The following GRIP1 variants were observed in gnomAD, a reference collection of about 807,000 sequenced individuals.
GRIP1 encodes the protein glutamate receptor interacting protein 1.
In GRIP1, 45 loss-of-function variants were observed where a neutral mutation model predicts 129.9. The ratio of observed to expected loss-of-function variants is 0.35; its 90% confidence interval spans 0.27 to 0.44. The LOEUF (loss-of-function observed/expected upper bound fraction) is 0.44. Among genes scored for constraint, GRIP1 ranks in the 20% least tolerant of loss-of-function variants. The pLI is 1.00. For synonymous variants in GRIP1, 530 were observed against 520.8 expected, an observed-to-expected ratio of 1.02 and a Z score of -0.24; for missense variants, 1,196 against 1,396.8, an observed-to-expected ratio of 0.86 and a Z score of 2.29.
At chr12:66,553,566 A>G (rs1315093790) in intron 2 of GRIP1, among the ~76,000 whole-genome samples, 1 of 146,654 alleles carries the variant, frequency 6.8e-6, no homozygotes, top group Non-Finnish European at 1.5e-5. Flanking sequence ...TTTAACAACT[A>G]TCTACACAGG....
At chr12:66,724,391 T>A (rs2036187133) in intron 1 of GRIP1, among the ~76,000 whole-genome samples, 1 of 152,212 alleles carries the variant, frequency 6.6e-6, no homozygotes, top group Non-Finnish European at 1.5e-5. Flanking sequence ...GCACTGAGCA[T>A]CATGCTGCAT....
At chr12:66,606,955 T>C (rs966775878) in intron 1 of GRIP1, among the ~76,000 whole-genome samples, 5 of 152,070 alleles carry the variant, frequency 3.3e-5, no homozygotes, top group Middle Eastern at 3.4e-3. Flanking sequence ...GCCACCACGA[T>C]ACACTGTTTA....
At chr12:66,529,055 C>G (rs886235345) in intron 5 of GRIP1, among the ~76,000 whole-genome samples, 13 of 152,200 alleles carry the variant, frequency 8.5e-5, no homozygotes, top group African/African-American at 3.1e-4. Flanking sequence ...CTCAACATCA[C>G]TAATGATCAG....
At chr12:66,721,979 C>G (rs1247543969) in intron 1 of GRIP1, among the ~76,000 whole-genome samples, 1 of 152,184 alleles carries the variant, frequency 6.6e-6, no homozygotes, top group East Asian at 1.9e-4. Context: ...GGGCATTGCT[C>G]TGGATTAGGC....
intron 1 of GRIP1, among the ~76,000 whole-genome samples, chr12:66,710,081 T>A (rs1205997082): frequency 2.6e-5 from 4 of 151,986 alleles, no homozygotes; most frequent in Admixed American, 2.6e-4. Flanking sequence ...GTTGCCAGGT[T>A]GCTCTGCAGT....
In GRIP1 at chr12:66,611,917, T is replaced by C. The variant is rs537067278; in HGVS notation, c.56-14990A>G. On this transcript the variant is annotated intron_variant, in intron 1 of 24. Coordinates refer to ENST00000359742, the MANE Select transcript of GRIP1 (RefSeq NM_001366722.1). ...ACAGTTTGAACATAAGAATGAGAGTTCTTTTTGTAGAGAGAGAACATGGCA... is the reference window on the plus strand; with the variant it reads ...ACAGTTTGAACATAAGAATGAGAGTCCTTTTTGTAGAGAGAGAACATGGCA... Among the ~76,000 whole-genome samples, 8 of 152,284 alleles carry C rather than the reference T, an allele frequency of 5.3e-5. 2 individuals are homozygous for C. The South Asian group carries it at 1.7e-3, about 32-fold the overall frequency.
upstream of GRIP1, among the ~76,000 whole-genome samples, chr12:66,805,427 G>A (rs12821039): frequency 0.22 from 33,383 of 151,894 alleles, 4,404 homozygotes; most frequent in Non-Finnish European, 0.31. Context: ...GTCTTTAAGC[G>A]AAAGAGAACT....
chr12:66,465,293 G>A lies in GRIP1; in HGVS notation c.854C>T (p.Ser285Phe), dbSNP rs754418514. The change falls in exon 8 of 25, where the codon TCT (serine) becomes TTT (phenylalanine). Residue 285 changes from serine to phenylalanine, a missense_variant. Physicochemically the swap from Ser to Phe is radical, Grantham distance 155. Transcript: ENST00000359742. ...TACTTACCTGTCTGCAATACTTGCA[G>A]ATTTGATTTTGTCTATGACAATGAC... is the stretch of plus-strand genomic sequence containing the variant. ...KQVIVIDKIKSASIADRCGAL... is the reference protein window; with the variant it reads ...KQVIVIDKIKFASIADRCGAL... 1 of 1,613,874 alleles carries A rather than the reference G, an allele frequency of 6.2e-7. No individual in the cohort carries two copies. The highest frequency in any genetic ancestry group is 8.5e-7 in the Non-Finnish European group (1 of 1,179,762).
At chr12:66,605,871 C>T (rs2064500801) in intron 1 of GRIP1, among the ~76,000 whole-genome samples, 2 of 152,074 alleles carry the variant, frequency 1.3e-5, no homozygotes, top group Admixed American at 1.3e-4. Context: ...GTTTCCAATA[C>T]ACAAAATGAA....
intron 1 of GRIP1, among the ~76,000 whole-genome samples, chr12:66,635,425 A>G (rs1483978467): frequency 1.4e-5 from 2 of 147,234 alleles, no homozygotes; most frequent in Non-Finnish European, 3.0e-5. Flanking sequence ...CCCTGTCTCT[A>G]AAAAAAAAAG....
chr12:66,789,941 A>G (rs1459278193), intron 1 of GRIP1, among the ~76,000 whole-genome samples: 1 of 152,202 alleles, frequency 6.6e-6, no homozygotes, highest in Admixed American at 6.6e-5. Flanking sequence ...TGTTAAATTT[A>G]AAGTGTTTAG....
At chr12:66,779,764 GTAA>G in intron 1 of GRIP1, among the ~76,000 whole-genome samples, 1 of 152,212 alleles carries the variant, frequency 6.6e-6, no homozygotes, top group East Asian at 1.9e-4. Flanking sequence ...CAGTAAACAA[GTAA>G]TATCACATAA....
intron 15 of GRIP1, among the ~76,000 whole-genome samples, chr12:66,420,417 T>C (rs1327083420): frequency 6.9e-6 from 1 of 144,948 alleles, no homozygotes; most frequent in African/African-American, 2.7e-5. Flanking sequence ...CTTTCAGGGT[T>C]TTTTTTTTTT....
At position 66,987,766 on chromosome 12, in the gene GRIP1, C is replaced by T. The variant is rs961411101; in HGVS notation, c.58+81284G>A. ...TAGTACTCACTCATTTCCGATTCTCCCTGAGCCCAGTGAAAATTAGCAAGT... is the reference window on the plus strand; with the variant it reads ...TAGTACTCACTCATTTCCGATTCTCTCTGAGCCCAGTGAAAATTAGCAAGT... On this transcript the variant is annotated intron_variant, in intron 1 of 1. Transcript: ENST00000643019. Among the ~76,000 whole-genome samples the T allele has an allele frequency of 3.9e-5, 6 of 152,276 alleles. No homozygotes were observed. The East Asian group carries it at 1.2e-3, about 29-fold the overall frequency.
intron 1 of GRIP1, among the ~76,000 whole-genome samples, chr12:66,908,610 G>C (rs1030386268): frequency 2.0e-5 from 3 of 152,128 alleles, no homozygotes; most frequent in Non-Finnish European, 4.4e-5. Context: ...CACAGAGTTT[G>C]TTTATGAGGA....
chr12:66,463,873 C>A (rs762333232), intron 8 of GRIP1, among the ~76,000 whole-genome samples: 1 of 152,144 alleles, frequency 6.6e-6, no homozygotes, highest in Non-Finnish European at 1.5e-5. Context: ...CTGGTTACCC[C>A]CTGTGGAATG....
At chr12:66,863,245 C>G (rs2040143510) in intron 1 of GRIP1, among the ~76,000 whole-genome samples, 1 of 152,096 alleles carries the variant, frequency 6.6e-6, no homozygotes, top group African/African-American at 2.4e-5. Context: ...AGGCATAGAG[C>G]AAGTATCTAT....
At chr12:66,490,647 C>A (rs1191231752) in intron 7 of GRIP1, among the ~76,000 whole-genome samples, 1 of 152,018 alleles carries the variant, frequency 6.6e-6, no homozygotes, top group East Asian at 1.9e-4. Context: ...TTCTGCATAG[C>A]AAAAGAAGCT....
intron 1 of GRIP1, among the ~76,000 whole-genome samples, chr12:66,786,794 T>C (rs546057844): frequency 3.3e-4 from 50 of 152,258 alleles, no homozygotes; most frequent in African/African-American, 1.2e-3. Context: ...CCAGTTTATA[T>C]GGGACTGCAG....
Sources: gnomAD v4.1 joint callset for allele counts (sites outside exome capture counted in the v4.1 genomes callset) on GRCh38, gnomAD v4.1.1 for gene constraint, MANE v1.5 for transcripts, NCBI Gene and HGNC (gene_info 2026-07-23, HGNC 2026-07-21) for gene names.